The following SHROOM3 variants were observed in gnomAD, a reference collection of about 807,000 sequenced individuals.
SHROOM3 encodes protein Shroom3.
A neutral mutation model predicts 138.6 loss-of-function variants in SHROOM3; 47 were observed. That is an observed-to-expected ratio of 0.34 (90% CI 0.27 to 0.43). The LOEUF (loss-of-function observed/expected upper bound fraction) is 0.43. Ranked by LOEUF, SHROOM3 falls within the 20% of genes least tolerant of loss-of-function variation. The pLI is 1.00. For synonymous variants in SHROOM3, 1,062 were observed against 1,063.3 expected (o/e 1.00, Z 0.02); for missense variants, 2,491 against 2,596.5 (o/e 0.96, Z 0.88).
intron 1 of SHROOM3, among the ~76,000 whole-genome samples, chr4:76,453,197 C>G (rs959574127): frequency 6.6e-6 from 1 of 152,164 alleles, no homozygotes; most frequent in African/African-American, 2.4e-5. Context: ...TACTTTCCCA[C>G]CAGCAATGTG....
intron 1 of SHROOM3, among the ~76,000 whole-genome samples, chr4:76,464,261 T>G (rs746150958): frequency 4.5e-4 from 69 of 152,216 alleles, no homozygotes; most frequent in Non-Finnish European, 8.7e-4. Context: ...AGGAGATTAT[T>G]TTGGGGCTTT....
rs778942138 is a variant in SHROOM3 at position 76,741,554 on chromosome 4, G to A, written c.3381G>A (p.Ala1127=). The change falls in exon 5 of 11, where the codon GCG becomes GCA. Residue 1127 remains alanine, a synonymous_variant. Transcript: ENST00000296043. This position sits in a 1 kb window ranked among gnomAD's most constrained non-coding sequence, Gnocchi z 6.2. The part of the protein sequence containing the change: ...QSAYLQPGPA[A]LEGSGLASAS... ...CCTACCTCCAGCCCGGCCCCGCGGC[G>A]CTCGAAGGCTCCGGCCTCGCCTCGG... 2.6e-6 allele frequency: 4 copies of A among 1,546,170 alleles called. No homozygotes were observed. Among genetic ancestry groups the A allele is most frequent in the Non-Finnish European group, 3.5e-6 (4 of 1,152,428 alleles).
chr4:76,771,781 T>C (rs1200863095), intron 10 of SHROOM3, among the ~76,000 whole-genome samples: 19 of 152,194 alleles, frequency 1.2e-4, no homozygotes, highest in Non-Finnish European at 2.6e-4. Flanking sequence ...GGAGTCCTAC[T>C]GCAGACTCCA....
intron 3 of SHROOM3, among the ~76,000 whole-genome samples, chr4:76,719,591 C>G (rs1156360074): frequency 6.6e-6 from 1 of 152,104 alleles, no homozygotes; most frequent in Non-Finnish European, 1.5e-5. Context: ...GTAGGAAGGA[C>G]AGTTGAATAT....
chr4:76,664,221 C>T lies in SHROOM3; in HGVS notation c.324-45935C>T, dbSNP rs929106957. Among the ~76,000 whole-genome samples the T allele has an allele frequency of 2.6e-5, 4 of 152,212 alleles. No individual in the cohort carries two copies. Among genetic ancestry groups the T allele is most frequent in the African/African-American group, 7.2e-5 (3 of 41,460 alleles). ...ATCCCTTTCCTTATGTGCTAGCTTACTCCTCAGAAAGTTCTGACTTTCAGT... is the reference window on the plus strand; with the variant it reads ...ATCCCTTTCCTTATGTGCTAGCTTATTCCTCAGAAAGTTCTGACTTTCAGT... On this transcript the variant is annotated intron_variant, in intron 2 of 10. Transcript: ENST00000296043. This position sits in a 1 kb window ranked among gnomAD's most constrained non-coding sequence, Gnocchi z 4.2.
intron 4 of SHROOM3, among the ~76,000 whole-genome samples, chr4:76,735,715 C>T (rs1721019585): frequency 1.3e-5 from 2 of 150,446 alleles, no homozygotes; most frequent in Admixed American, 1.3e-4. Context: ...TGGTACCTGC[C>T]TGTAATCCCA....
chr4:76,598,712 G>C (rs1050132245), intron 2 of SHROOM3, among the ~76,000 whole-genome samples: 1 of 152,226 alleles, frequency 6.6e-6, no homozygotes, highest in Admixed American at 6.5e-5. Flanking sequence ...CACGTGGGCA[G>C]GGGGTAGCCC....
At chr4:76,645,753 C>T (rs906594336) in intron 2 of SHROOM3, 6 of 152,118 alleles carry the variant, frequency 3.9e-5, no homozygotes, top group African/African-American at 1.4e-4. Flanking sequence ...ATTCTTAAAA[C>T]CATTCATATT....
rs186314710 is a variant in SHROOM3, at chr4:76,759,464, T to C, written c.5199-81T>C. 1.9e-6 allele frequency: 3 copies of C among 1,561,078 alleles called. No individual in the cohort carries two copies. The Admixed American group carries it at 5.0e-5, about 26-fold the overall frequency. On this transcript the variant is annotated intron_variant, in intron 8 of 10. Coordinates refer to ENST00000296043, the MANE Select transcript of SHROOM3 (RefSeq NM_020859.4). ...AAATTAAATAGAATTGTTACGCACT[T>C]CTGAATGGACTGACATCTGCAGTGA...
intron 3 of SHROOM3, among the ~76,000 whole-genome samples, chr4:76,729,834 G>T (rs1337799834): frequency 6.6e-6 from 1 of 152,142 alleles, no homozygotes; most frequent in Non-Finnish European, 1.5e-5. Flanking sequence ...TTTTTTCACA[G>T]AAAAGAGATA....
At chr4:76,690,394 GTGT>G (rs376334813) in intron 2 of SHROOM3, among the ~76,000 whole-genome samples, 1 of 152,170 alleles carries the variant, frequency 6.6e-6, no homozygotes, top group Non-Finnish European at 1.5e-5. Flanking sequence ...TTAAATAGTA[GTGT>G]TGTTGTGGCG....
At chr4:76,498,874 A>G (rs899895527) in intron 1 of SHROOM3, among the ~76,000 whole-genome samples, 45 of 152,130 alleles carry the variant, frequency 3.0e-4, no homozygotes, top group African/African-American at 1.1e-3. Flanking sequence ...AAAGAAGGGG[A>G]AATTGGAGTC....
At chr4:76,490,557 T>C (rs2137152) in intron 1 of SHROOM3, among the ~76,000 whole-genome samples, 66,001 of 151,982 alleles carry the variant, frequency 0.43, 15,292 homozygotes, top group Non-Finnish European at 0.52. Flanking sequence ...ACCCGGCTGC[T>C]TCTGGTCCTT....
intron 2 of SHROOM3, chr4:76,689,707 G>C (rs1560592050): frequency 1.0e-6 from 1 of 985,530 alleles, no homozygotes; most frequent in Non-Finnish European, 1.2e-6. Flanking sequence ...GCGATGGTGA[G>C]TGAGGAGGGC....
chr4:76,498,936 CTG>C (rs2109998052), intron 1 of SHROOM3, among the ~76,000 whole-genome samples: 1 of 152,284 alleles, frequency 6.6e-6, no homozygotes, highest in South Asian at 2.1e-4. Context: ...GCGATGGAAA[CTG>C]AGAACAGCTG....
chr4:76,778,997 G>A lies in SHROOM3; in HGVS notation c.5811G>A (p.Lys1937=). The change falls in exon 11 of 11, where the codon AAG becomes AAA. Residue 1937 remains lysine (K), a synonymous_variant. Transcript: ENST00000296043. ...MKSTLLIEQR[K]LDDKIKLGQE... The stretch of plus-strand genomic sequence containing the variant: ...CCACGCTCCTCATTGAGCAACGGAA[G>A]CTGGATGACAAGATCAAGCTGGGCC... 1 of 1,614,182 alleles carries A rather than the reference G, an allele frequency of 6.2e-7. No individual in the cohort carries two copies. Among genetic ancestry groups the A allele is most frequent in the Non-Finnish European group, 8.5e-7 (1 of 1,180,040 alleles).
chr4:76,597,791 G>A (rs993778892), intron 2 of SHROOM3, among the ~76,000 whole-genome samples: 3 of 152,188 alleles, frequency 2.0e-5, no homozygotes, highest in Non-Finnish European at 2.9e-5. Flanking sequence ...AGCAGATCCC[G>A]TGTTGTAATC....
intron 1 of SHROOM3, among the ~76,000 whole-genome samples, chr4:76,520,402 A>G (rs1732538487): frequency 6.6e-6 from 1 of 152,036 alleles, no homozygotes; most frequent in Admixed American, 6.6e-5. Flanking sequence ...GGTGCATGTT[A>G]TGTGCCAGGT....
intron 2 of SHROOM3, among the ~76,000 whole-genome samples, chr4:76,671,940 G>A (rs900188073): frequency 6.6e-6 from 1 of 152,044 alleles, no homozygotes; most frequent in Admixed American, 6.6e-5. Context: ...GATTTCCTTT[G>A]GGCATCACGT....
Sources: allele counts gnomAD v4.1 joint callset (sites outside exome capture counted in the v4.1 genomes callset), GRCh38; gene constraint gnomAD v4.1.1; non-coding constraint Gnocchi (gnomAD v3.1); transcripts MANE v1.5; gene names NCBI Gene and HGNC (gene_info 2026-07-23, HGNC 2026-07-21).